PARD6G: variants seen among roughly 807,000 people sequenced by gnomAD.
PARD6G encodes partitioning defective 6 homolog gamma.
A neutral mutation model predicts 10.7 loss-of-function variants in PARD6G; 7 were observed. That is an observed-to-expected ratio of 0.66 (90% CI 0.37 to 1.23). PARD6G has a LOEUF of 1.23. Ranked by LOEUF, PARD6G falls within the 50% of genes most tolerant of loss-of-function variation. The pLI is 0.02. For synonymous variants in PARD6G, 287 were observed against 269.4 expected (o/e 1.07, Z -0.64); for missense variants, 548 against 571.8 (o/e 0.96, Z 0.42).
At chr18:80,190,280 C>T (rs1226842521) in intron 2 of PARD6G, among the ~76,000 whole-genome samples, 2 of 152,114 alleles carry the variant, frequency 1.3e-5, no homozygotes, top group African/African-American at 4.8e-5. Context: ...GCAAACAATC[C>T]GGGCTCAGGT....
intron 2 of PARD6G, among the ~76,000 whole-genome samples, chr18:80,185,998 A>ATG: frequency 7.5e-6 from 1 of 132,828 alleles, no homozygotes; most frequent in African/African-American, 3.0e-5. Context: ...ACCCTCAGAC[A>ATG]TGCTCGCACA....
chr18:80,162,979 C>G (rs927898762), intron 2 of PARD6G, among the ~76,000 whole-genome samples: 2 of 152,188 alleles, frequency 1.3e-5, no homozygotes, highest in South Asian at 4.1e-4. Flanking sequence ...CTCATGATTG[C>G]TCATTCTAAG....
intron 2 of PARD6G, among the ~76,000 whole-genome samples, chr18:80,198,318 A>G (rs9946098): frequency 1.6e-3 from 239 of 152,362 alleles, no homozygotes; most frequent in African/African-American, 5.4e-3. Context: ...AAGGCATAAA[A>G]TAAAGCACAG....
In PARD6G at chr18:80,161,254, C is replaced by T. The variant is rs2052699224; in HGVS notation, c.296-648G>A. On this transcript the variant is annotated intron_variant, in intron 2 of 2. Transcript: ENST00000353265. This position sits in a 1 kb window ranked among gnomAD's most constrained non-coding sequence, Gnocchi z 4.6. ...TCCCTTCTGTGAGGTCCCGCACAGT[C>T]AGTGCTATTTGTAGGCACATGGAGC... 6.6e-6 allele frequency among the ~76,000 whole-genome samples: 1 copy of T among 152,050 alleles called. No homozygotes were observed. Among genetic ancestry groups the T allele is most frequent in the Admixed American group, 6.5e-5 (1 of 15,274 alleles).
intron 2 of PARD6G, among the ~76,000 whole-genome samples, chr18:80,194,514 C>T (rs563930098): frequency 7.2e-5 from 11 of 152,142 alleles, no homozygotes; most frequent in African/African-American, 2.4e-4. Context: ...TAGAACATTA[C>T]GTGTTTCTGA....
At chr18:80,243,514 A>G (rs1330838109) in intron 1 of PARD6G, among the ~76,000 whole-genome samples, 3 of 152,238 alleles carry the variant, frequency 2.0e-5, no homozygotes, top group East Asian at 3.9e-4. Context: ...TAAATTTCCT[A>G]CGATGACACT....
intron 1 of PARD6G, among the ~76,000 whole-genome samples, chr18:80,238,027 G>A (rs1967444396): frequency 6.6e-6 from 1 of 152,090 alleles, no homozygotes; most frequent in South Asian, 2.1e-4. Flanking sequence ...AAATCATGCT[G>A]CTATAAAGAC....
chr18:80,186,540 G>A (rs912287196), intron 2 of PARD6G, among the ~76,000 whole-genome samples: 12 of 149,648 alleles, frequency 8.0e-5, no homozygotes, highest in East Asian at 4.0e-4. Flanking sequence ...TCACACACGC[G>A]CACACCCTCA....
intron 2 of PARD6G, among the ~76,000 whole-genome samples, chr18:80,166,909 G>A (rs560980304): frequency 6.6e-6 from 1 of 152,110 alleles, no homozygotes; most frequent in African/African-American, 2.4e-5. Flanking sequence ...ACAAACCAGA[G>A]CCCCCTTTGA....
rs1045534934 is a variant in PARD6G at position 80,203,633 on chromosome 18, C to G, written c.73-701G>C. On this transcript the variant is annotated intron_variant, in intron 1 of 2. Coordinates refer to ENST00000353265, the MANE Select transcript of PARD6G (RefSeq NM_032510.4). ...TCCTCAGCAAGGTCCCTTGCCTCAT[C>G]TGTGGTTGCTGAAGGGACATCTGCA... Among the ~76,000 whole-genome samples, 7 of 152,212 alleles carry G rather than the reference C, an allele frequency of 4.6e-5. No homozygotes were observed. In the South Asian group the frequency reaches 1.4e-3, roughly 31 times the overall value.
At chr18:80,243,539 T>C (rs550659445) in intron 1 of PARD6G, among the ~76,000 whole-genome samples, 1 of 152,108 alleles carries the variant, frequency 6.6e-6, no homozygotes, top group South Asian at 2.1e-4. Context: ...TAGCTTAGAA[T>C]CCAAAAAAGC....
At chr18:80,202,327 CAA>C (rs1568436166) in intron 2 of PARD6G, among the ~76,000 whole-genome samples, 3 of 152,048 alleles carry the variant, frequency 2.0e-5, no homozygotes, top group African/African-American at 7.2e-5. Flanking sequence ...AAAAGTTAAC[CAA>C]AGTTATCATC....
rs955673588 is a variant in PARD6G, at chr18:80,159,865, T to C, written c.1037A>G (p.Gln346Arg). Reference protein sequence around the residue: ...QRDLALDGGLQRLLSSLRADP... With the variant: ...QRDLALDGGLRRLLSSLRADP... ...GGCCCGCAGGGAGCTGAGCAGCCGC[T>C]GGAGGCCGCCGTCCAGGGCCAGGTC... is the stretch of plus-strand genomic sequence containing the variant. The change falls in exon 3 of 3, where the codon CAG becomes CGG. Residue 346 changes from glutamine (Q) to arginine (R), a missense_variant. Gln to Arg is a conservative substitution (Grantham distance 43). Transcript: ENST00000353265. The C allele has an allele frequency of 2.6e-6, 4 of 1,510,050 alleles. No homozygotes were observed. The African/African-American group carries it at 4.4e-5, about 16-fold the overall frequency. 93.5% of individuals were successfully genotyped at this position (1,510,050 alleles called of 1,614,324 possible).
chr18:80,170,423 T>C (rs948932074), intron 2 of PARD6G: 3 of 152,418 alleles, frequency 2.0e-5, no homozygotes, highest in Non-Finnish European at 2.9e-5. Flanking sequence ...GATCACCGTC[T>C]ACCCCCATCT....
intron 1 of PARD6G, among the ~76,000 whole-genome samples, chr18:80,218,754 A>G (rs993879890): frequency 6.6e-6 from 1 of 152,190 alleles, no homozygotes; most frequent in Non-Finnish European, 1.5e-5. Flanking sequence ...GAGGTTCTCT[A>G]TGAGGTCTCT....
Position 80,228,079 on chromosome 18 carries a change from G to A in PARD6G, c.72+19198C>T, listed in dbSNP as rs1000407488. 1.3e-5 allele frequency among the ~76,000 whole-genome samples: 2 copies of A among 152,154 alleles called. No homozygotes were observed. Among genetic ancestry groups the A allele is most frequent in the African/African-American group, 4.8e-5 (2 of 41,440 alleles). On this transcript the variant is annotated intron_variant, in intron 1 of 2. Coordinates refer to ENST00000353265, the MANE Select transcript of PARD6G (RefSeq NM_032510.4). The surrounding 1 kb of genome is among the most constrained non-coding windows in gnomAD (Gnocchi z 4.6). ...TCCATTTTATCCCCAAGAGAGCTCA[G>A]TATACAGTAGATACTAAAAACATTT... is the stretch of plus-strand genomic sequence containing the variant.
chr18:80,221,248 G>C (rs879439881), intron 1 of PARD6G, among the ~76,000 whole-genome samples: 2 of 152,058 alleles, frequency 1.3e-5, no homozygotes, highest in Non-Finnish European at 2.9e-5. Context: ...ACCAGAAAAA[G>C]ACATTACAGG....
At chr18:80,207,139 T>G (rs1235502865) in intron 1 of PARD6G, among the ~76,000 whole-genome samples, 2 of 109,026 alleles carry the variant, frequency 1.8e-5, no homozygotes, top group Admixed American at 1.9e-4. Context: ...TATCAATAAA[T>G]ACTTAACAGT....
At chr18:80,193,790 G>A (rs927714588) in intron 2 of PARD6G, among the ~76,000 whole-genome samples, 5 of 152,176 alleles carry the variant, frequency 3.3e-5, no homozygotes, top group African/African-American at 4.8e-5. Context: ...GCAGGAAGGC[G>A]GGAATGCCCA....
Sources: gnomAD v4.1 joint callset for allele counts (sites outside exome capture counted in the v4.1 genomes callset) on GRCh38, gnomAD v4.1.1 for gene constraint, Gnocchi (gnomAD v3.1) non-coding constraint, MANE v1.5 for transcripts, NCBI Gene and HGNC (gene_info 2026-07-23, HGNC 2026-07-21) for gene names.